Variants in PLA2G4B observed in about 807,000 individuals in gnomAD.
PLA2G4B encodes the protein phospholipase A2 group IVB.
In PLA2G4B, 122 loss-of-function variants were observed where a neutral mutation model predicts 95.8. That is an observed-to-expected ratio of 1.27 (90% CI 1.10 to 1.48). The LOEUF (loss-of-function observed/expected upper bound fraction) is 1.48. Among genes scored for constraint, PLA2G4B ranks in the 40% most tolerant of loss-of-function variants. The pLI, the probability that PLA2G4B is intolerant of heterozygous loss-of-function variation, is 0.00. For missense variants in PLA2G4B, 1,158 were observed against 996.2 expected (o/e 1.16, Z -2.19); for synonymous variants, 518 against 421.5 (o/e 1.23, Z -2.80).
chr15:41,838,992 T>G (rs2065376227), intron 1 of PLA2G4B, 70 bp downstream of exon 1: 1 of 1,291,002 alleles, frequency 7.7e-7, no homozygotes. Flanking sequence ...GTTAATATGT[T>G]TCTTATGGGA....
chr15:41,847,888 C>T lies in PLA2G4B; in HGVS notation c.*28C>T, dbSNP rs769725429. Reference sequence around the variant, plus strand: ...GCCGGGGCCCCTGCCACCCCTAACTCTCATTCATTCCCTGGCTGCTGAGTT... The same window carrying T: ...GCCGGGGCCCCTGCCACCCCTAACTTTCATTCATTCCCTGGCTGCTGAGTT... On this transcript the variant is annotated 3_prime_UTR_variant, in exon 20 of 20. Transcript: ENST00000458483. 7.5e-6 allele frequency: 12 copies of T among 1,602,068 alleles called. No individual in the cohort carries two copies. The highest frequency in any genetic ancestry group is 9.4e-6 in the Non-Finnish European group (11 of 1,175,102).
rs749543265 is a variant in PLA2G4B, at chr15:41,847,797, G to A, written c.2283G>A (p.Gln761=). Residue 761 remains glutamine (Q), a synonymous_variant, in exon 20 of 20, where the codon CAG becomes CAA. Transcript: ENST00000458483. ...HLTHYNVCNN[Q]EQLLEALRQA... is the part of the protein sequence containing the mutation. Reference sequence around the variant, plus strand: ...CACATTACAATGTCTGCAACAACCAGGAGCAGCTGCTGGAGGCTCTGCGCC... The same window carrying A: ...CACATTACAATGTCTGCAACAACCAAGAGCAGCTGCTGGAGGCTCTGCGCC... 95 of 1,613,386 alleles carry A rather than the reference G, an allele frequency of 5.9e-5. No homozygotes were observed. Among genetic ancestry groups the A allele is most frequent in the Admixed American group, 1.5e-4 (9 of 60,012 alleles).
chr15:41,842,327 CAGGCCACAA>C, intron 9 of PLA2G4B, 51 bp downstream of exon 9: 1 of 1,606,538 alleles, frequency 6.2e-7, no homozygotes, highest in Non-Finnish European at 8.5e-7. Context: ...GGCTGGGACC[CAGGCCACAA>C]AGGGAGGGGC....
chr15:41,840,775 A>G lies in PLA2G4B; in HGVS notation c.221A>G (p.Asn74Ser), dbSNP rs765006282. Residue 74 changes from asparagine (N) to serine (S), a missense_variant and splice_region_variant, in exon 4 of 20, where the codon AAT becomes AGT. Transcript: ENST00000458483. ...FHFRIHRQLK[N>S]VMELKVFDQD... Reference sequence around the variant, plus strand: ...CCCTGTCACTCTTTTCCCCTCCAGAATGTCATGGAACTGAAAGTCTTTGAC... The same window carrying G: ...CCCTGTCACTCTTTTCCCCTCCAGAGTGTCATGGAACTGAAAGTCTTTGAC... The G allele has an allele frequency of 7.1e-5, 114 of 1,613,522 alleles. No homozygotes were observed. Among genetic ancestry groups the G allele is most frequent in the Admixed American group, 1.8e-4 (11 of 59,990 alleles).
chr15:41,847,796 A>C lies in PLA2G4B; in HGVS notation c.2282A>C (p.Gln761Pro). The change falls in exon 20 of 20, where the codon CAG becomes CCG. Residue 761 changes from glutamine (Q) to proline (P), a missense_variant. Gln to Pro is a moderately conservative substitution (Grantham distance 76, BLOSUM62 -1). Transcript: ENST00000458483. ...ACACATTACAATGTCTGCAACAACC[A>C]GGAGCAGCTGCTGGAGGCTCTGCGC... ...HLTHYNVCNN[Q>P]EQLLEALRQA... is the part of the protein sequence containing the mutation. 1 of 1,613,496 alleles carries C rather than the reference A, an allele frequency of 6.2e-7. No individual in the cohort carries two copies. The highest frequency in any genetic ancestry group is 8.5e-7 in the Non-Finnish European group (1 of 1,180,036).
intron 6 of PLA2G4B, 44 bp from the exon 7 acceptor site, chr15:41,841,473 T>TG: frequency 6.2e-7 from 1 of 1,613,344 alleles, no homozygotes; most frequent in East Asian, 2.2e-5. Flanking sequence ...GGTCCCTGAA[T>TG]GGGGGGTGGG....
At chr15:41,843,896 A>T in intron 11 of PLA2G4B, 85 bp downstream of exon 11, 1 of 1,538,462 alleles carries the variant, frequency 6.5e-7, no homozygotes, top group Non-Finnish European at 8.7e-7. Context: ...CTTGTCCCCG[A>T]TCTAGACCAG....
intron 6 of PLA2G4B, 60 bp downstream of exon 6, chr15:41,841,333 G>A (rs1289908469): frequency 7.4e-6 from 12 of 1,611,136 alleles, no homozygotes; most frequent in East Asian, 2.2e-5. Context: ...TCATGCCAGC[G>A]ACTTGAGGTA....
chr15:41,840,244 G>A lies in PLA2G4B; in HGVS notation c.82+14G>A, dbSNP rs201446325. The A allele has an allele frequency of 9.3e-6, 15 of 1,612,252 alleles. No individual in the cohort carries two copies. The highest frequency in any genetic ancestry group is 2.2e-5 in the East Asian group (1 of 44,892). ...CTAAGGACCTAGGTGAGTGCGCACC[G>A]CCCTGGCCCCTGTGCTGGGCTGAGG... On this transcript the variant is annotated intron_variant, in intron 2 of 19. Coordinates refer to ENST00000458483, the MANE Select transcript of PLA2G4B (RefSeq NM_001114633.2).
rs2065428416 is a variant in PLA2G4B at position 41,841,330 on chromosome 15, A to G, written c.435+57A>G. ...GGGGTCCCCGGGACTCCCTCATGCC[A>G]GCGACTTGAGGTACAGGCCCACCGC... is the stretch of plus-strand genomic sequence containing the variant. On this transcript the variant is annotated intron_variant, in intron 6 of 19. Transcript: ENST00000458483. The G allele has an allele frequency of 2.5e-6, 4 of 1,611,120 alleles. No individual in the cohort carries two copies. The South Asian group carries it at 3.3e-5, about 13-fold the overall frequency.
At chr15:41,845,881 T>C (rs980045100) in intron 15 of PLA2G4B, 62 bp from the exon 16 acceptor site, 2 of 1,517,720 alleles carry the variant, frequency 1.3e-6, no homozygotes, top group Non-Finnish European at 1.8e-6. Context: ...GGACTGGCCA[T>C]GGGGAAGGGT....
In PLA2G4B at chr15:41,840,166, G is replaced by A. The variant is rs1223069164; in HGVS notation, c.18G>A (p.Val6=). The A allele has an allele frequency of 6.2e-7, 1 of 1,613,036 alleles. No individual in the cohort carries two copies. The highest frequency in any genetic ancestry group is 2.2e-5 in the East Asian group (1 of 44,874). Residue 6 remains valine, a synonymous_variant, in exon 2 of 20, where the codon GTG becomes GTA. Transcript: ENST00000458483. MAVAE[V]SRTCLLTVRV... is the part of the protein sequence containing the mutation. Reference sequence around the variant, plus strand: ...CTCTCCCACCTCTGCAGGCAGAGGTGTCCAGGACCTGCCTGCTCACGGTTC... The same window carrying A: ...CTCTCCCACCTCTGCAGGCAGAGGTATCCAGGACCTGCCTGCTCACGGTTC...
rs1047468227 is a variant in PLA2G4B at position 41,843,553 on chromosome 15, G to A, written c.744-123G>A. The A allele has an allele frequency of 3.3e-6, 5 of 1,492,798 alleles. No homozygotes were observed. The African/African-American group carries it at 5.6e-5, about 17-fold the overall frequency. 92.5% of individuals were successfully genotyped at this position (1,492,798 alleles called of 1,614,324 possible). ...GTCAAACTTCAGTCTTGTGACACGG[G>A]AGTGGCATTGAGGGTTGGGGAGAAG... On this transcript the variant is annotated intron_variant, in intron 10 of 19. Transcript: ENST00000458483.
rs2140894627 is a variant in PLA2G4B at position 41,844,592 on chromosome 15, C to T, written c.1001C>T (p.Ala334Val). The T allele has an allele frequency of 6.2e-7, 1 of 1,614,136 alleles. No homozygotes were observed. Among genetic ancestry groups the T allele is most frequent in the Middle Eastern group, 1.7e-4 (1 of 6,048 alleles). The change falls in exon 12 of 20, where the codon GCC becomes GTC. Residue 334 changes from alanine to valine, a missense_variant. Ala to Val is a moderately conservative substitution (Grantham distance 64). Coordinates refer to ENST00000458483, the MANE Select transcript of PLA2G4B (RefSeq NM_001114633.2). ...GATTGCGTCTCCTACATCACCGGGG[C>T]CTCGGGCTCCACCTGGTGAGCTGGG... Reference protein sequence around the residue: ...LLDCVSYITGASGSTWALANL... With the variant: ...LLDCVSYITGVSGSTWALANL...
In PLA2G4B at chr15:41,845,742, A is replaced by G; in HGVS notation, c.1462A>G (p.Arg488Gly). 6.2e-7 allele frequency: 1 copy of G among 1,609,862 alleles called. No homozygotes were observed. Residue 488 changes from arginine (R) to glycine (G), a missense_variant, in exon 15 of 20, where the codon AGG (arginine) becomes GGG (glycine). Physicochemically the swap from Arg to Gly is moderately radical, Grantham distance 125. Coordinates refer to ENST00000458483, the MANE Select transcript of PLA2G4B (RefSeq NM_001114633.2). ...GTTCTTTATGGGGCAGCTGATGAAG[A>G]GGCTTCCTGAGTCCCGCATCTGCTT... ...SEFFMGQLMK[R>G]LPESRICFLE...
intron 1 of PLA2G4B, 195 bp downstream of exon 1, chr15:41,839,117 T>C: frequency 2.1e-6 from 1 of 469,984 alleles, no homozygotes; most frequent in Non-Finnish European, 3.8e-6. Context: ...CTGAGTGTTT[T>C]CTGTCCTGGG....
rs552936797 is a variant in PLA2G4B at position 41,845,054 on chromosome 15, C to T, written c.1223C>T (p.Ala408Val). ...AACCTGTGGGCCCTCATCAACGAGG[C>T]GCTGCTGCATGATGAGGTGCGGGGG... ...FTNLWALINE[A>V]LLHDEPHDHK... The change falls in exon 13 of 20, where the codon GCG (alanine) becomes GTG (valine). Residue 408 changes from alanine to valine, a missense_variant. Ala to Val is a moderately conservative substitution (Grantham distance 64, BLOSUM62 0). Transcript: ENST00000458483. 2.2e-5 allele frequency: 35 copies of T among 1,597,564 alleles called. No individual in the cohort carries two copies. Among genetic ancestry groups the T allele is most frequent in the East Asian group, 6.8e-5 (3 of 43,858 alleles).
In PLA2G4B at chr15:41,848,003, T is replaced by A; in HGVS notation, c.*143T>A. On this transcript the variant is annotated 3_prime_UTR_variant, in exon 20 of 20. Coordinates refer to ENST00000458483, the MANE Select transcript of PLA2G4B (RefSeq NM_001114633.2). ...TCCAGGCTGAGGGCTGGGAGCTCCC[T>A]TGCGCCTCAGCAGTTTGCAGTGGGG... 1 of 1,176,178 alleles carries A rather than the reference T, an allele frequency of 8.5e-7. No individual in the cohort carries two copies. The highest frequency in any genetic ancestry group is 1.2e-6 in the Non-Finnish European group (1 of 855,804). 72.9% of individuals were successfully genotyped at this position (1,176,178 alleles called of 1,614,324 possible). A position where few individuals can be genotyped will look rare whatever the true frequency, so the allele number is the denominator to read the frequency against.
Position 41,847,449 on chromosome 15 carries a change from C to T in PLA2G4B, c.2060C>T (p.Pro687Leu). 2 of 1,613,430 alleles carry T rather than the reference C, an allele frequency of 1.2e-6. No individual in the cohort carries two copies. The highest frequency in any genetic ancestry group is 1.7e-6 in the Non-Finnish European group (2 of 1,179,772). Residue 687 changes from proline to leucine, a missense_variant, in exon 19 of 20, where the codon CCC (proline) becomes CTC (leucine). Transcript: ENST00000458483. The stretch of plus-strand genomic sequence containing the variant: ...CGGGAGTGCCACACCTTCTCCGACC[C>T]CACCTGCCCCGGAGCCCCTGCGGTG... ...QPRECHTFSD[P>L]TCPGAPAVLH... is the part of the protein sequence containing the mutation.
Sources: gnomAD v4.1 joint callset for allele counts on GRCh38, gnomAD v4.1.1 for gene constraint, MANE v1.5 for transcripts, NCBI Gene and HGNC (gene_info 2026-07-23, HGNC 2026-07-21) for gene names.